The following ADK variants were observed in gnomAD, a reference collection of about 807,000 sequenced individuals.
ADK encodes adenosine kinase.
Under a neutral mutation model 44.7 loss-of-function variants are expected in ADK, and 24 were observed. The observed-to-expected ratio is 0.54, with a 90% CI of 0.39 to 0.76. ADK has a LOEUF of 0.76. ADK is among the 30% of genes least tolerant of loss of function. The probability of loss-of-function intolerance (pLI) is 0.00; values close to 1 mark genes in which losing one functional copy is unlikely to be tolerated. For missense variants in ADK, 321 were observed against 425.1 expected, an observed-to-expected ratio of 0.76 and a Z score of 2.15; for synonymous variants, 128 against 142.6, an observed-to-expected ratio of 0.90 and a Z score of 0.73.
At chr10:74,573,864 G>T (rs1055087932) in intron 7 of ADK, among the ~76,000 whole-genome samples, 3 of 152,190 alleles carry the variant, frequency 2.0e-5, no homozygotes, top group African/African-American at 7.2e-5. Flanking sequence ...TTGGAAAAGC[G>T]CAGTATTGAG....
intron 6 of ADK, among the ~76,000 whole-genome samples, chr10:74,510,007 C>T (rs757285918): frequency 6.6e-6 from 1 of 152,092 alleles, no homozygotes; most frequent in African/African-American, 2.4e-5. Context: ...AGGTTTGTTC[C>T]ATATCTTGGC....
At chr10:74,442,866 A>G (rs1040349340) in intron 6 of ADK, among the ~76,000 whole-genome samples, 6 of 152,180 alleles carry the variant, frequency 3.9e-5, no homozygotes, top group Non-Finnish European at 5.9e-5. Context: ...TTGCAACAAC[A>G]TAGGTGAACC....
intron 1 of ADK, among the ~76,000 whole-genome samples, chr10:74,155,972 C>T (rs879471148): frequency 6.6e-6 from 1 of 152,084 alleles, no homozygotes; most frequent in Non-Finnish European, 1.5e-5. Flanking sequence ...AAATTTAATC[C>T]TTTAAGATTA....
At chr10:74,458,056 G>A (rs866182706) in intron 6 of ADK, among the ~76,000 whole-genome samples, 7 of 147,778 alleles carry the variant, frequency 4.7e-5, no homozygotes, top group African/African-American at 7.5e-5. Context: ...AAAAGATTGG[G>A]TATTTCACAT....
At chr10:74,534,105 T>C (rs1356754362) in intron 7 of ADK, among the ~76,000 whole-genome samples, 3 of 152,190 alleles carry the variant, frequency 2.0e-5, no homozygotes, top group Non-Finnish European at 2.9e-5. Context: ...CATTGTTGTC[T>C]GGGGACAGGG....
At chr10:74,694,721 A>G (rs944397894) in intron 10 of ADK, among the ~76,000 whole-genome samples, 3 of 152,260 alleles carry the variant, frequency 2.0e-5, no homozygotes, top group Non-Finnish European at 2.9e-5. Context: ...GGCTCAAGCA[A>G]TTCTCCTGCC....
At chr10:74,525,543 C>G in intron 7 of ADK, 117 bp downstream of exon 7, 1 of 949,660 alleles carries the variant, frequency 1.1e-6, no homozygotes, top group East Asian at 2.7e-5. Flanking sequence ...TGTAAATGTC[C>G]TTGAGAATTG....
chr10:74,274,444 TC>T (rs1846576832), intron 3 of ADK, among the ~76,000 whole-genome samples: 1 of 151,740 alleles, frequency 6.6e-6, no homozygotes, highest in Non-Finnish European at 1.5e-5. Flanking sequence ...CGCCTGTAAT[TC>T]CAGCTACTCA....
chr10:74,228,749 TG>T (rs1844642072), intron 3 of ADK, among the ~76,000 whole-genome samples: 1 of 152,214 alleles, frequency 6.6e-6, no homozygotes, highest in Admixed American at 6.5e-5. Flanking sequence ...TGTATTACCT[TG>T]GATTATGAGA....
chr10:74,189,490 TG>T (rs1437866148), intron 1 of ADK, among the ~76,000 whole-genome samples: 1 of 152,188 alleles, frequency 6.6e-6, no homozygotes, highest in Non-Finnish European at 1.5e-5. Flanking sequence ...AGATATTTTA[TG>T]TATCTTTTAT....
At chr10:74,388,482 C>A (rs973341392) in intron 4 of ADK, among the ~76,000 whole-genome samples, 3 of 152,008 alleles carry the variant, frequency 2.0e-5, no homozygotes, top group Non-Finnish European at 4.4e-5. Context: ...ATTGAGTTTT[C>A]AAATCCATGT....
chr10:74,508,323 G>A lies in ADK; in HGVS notation c.556-16933G>A, dbSNP rs555785420. 18 of 152,212 alleles carry A rather than the reference G, an allele frequency of 1.2e-4. No homozygotes were observed. In the East Asian group the frequency reaches 2.7e-3, roughly 23 times the overall value. 9.4% of individuals were successfully genotyped at this position (152,212 alleles called of 1,614,324 possible). ...ACACCAAACTGTTGATCTTTAAAGA[G>A]CATACTTTTGTTCAGCACTGTAACT... is the stretch of plus-strand genomic sequence containing the variant. On this transcript the variant is annotated intron_variant, in intron 6 of 10. Coordinates refer to ENST00000539909, the MANE Select transcript of ADK (RefSeq NM_006721.4).
chr10:74,334,214 A>T (rs993671265), intron 4 of ADK, among the ~76,000 whole-genome samples: 1 of 152,094 alleles, frequency 6.6e-6, no homozygotes, highest in African/African-American at 2.4e-5. Flanking sequence ...GTTGACAGAG[A>T]CAGTTCTCCT....
chr10:74,258,351 C>CA (rs1451976295), intron 3 of ADK, among the ~76,000 whole-genome samples: 1 of 152,060 alleles, frequency 6.6e-6, no homozygotes. Context: ...GATTTACTTT[C>CA]AAAGTACTCA....
At chr10:74,352,824 CATT>C (rs1842010120) in intron 4 of ADK, among the ~76,000 whole-genome samples, 1 of 152,202 alleles carries the variant, frequency 6.6e-6, no homozygotes, top group South Asian at 2.1e-4. Context: ...TGCTCATCAT[CATT>C]GGTCATTAGA....
intron 6 of ADK, among the ~76,000 whole-genome samples, chr10:74,409,381 ACC>A (rs1844081739): frequency 6.6e-6 from 1 of 152,168 alleles, no homozygotes; most frequent in Non-Finnish European, 1.5e-5. Flanking sequence ...CTTGTGACTT[ACC>A]CTGCGTAAAC....
intron 6 of ADK, among the ~76,000 whole-genome samples, chr10:74,458,146 T>A (rs111491239): frequency 3.8e-5 from 4 of 106,330 alleles, no homozygotes; most frequent in Non-Finnish European, 7.3e-5. Context: ...TTTTTTTTTT[T>A]GGGGGGAGAA....
chr10:74,208,048 CA>C (rs1843666939), intron 2 of ADK, among the ~76,000 whole-genome samples: 1 of 152,226 alleles, frequency 6.6e-6, no homozygotes, highest in Non-Finnish European at 1.5e-5. Flanking sequence ...CGAGCACATG[CA>C]CACCTGCTGG....
chr10:74,645,226 T>G (rs933706479), intron 9 of ADK, among the ~76,000 whole-genome samples: 1 of 152,236 alleles, frequency 6.6e-6, no homozygotes, highest in Non-Finnish European at 1.5e-5. Flanking sequence ...CTCAAAGATT[T>G]CTGGTTCTCC....
Sources: gnomAD v4.1 joint callset for allele counts (sites outside exome capture counted in the v4.1 genomes callset) on GRCh38, gnomAD v4.1.1 for gene constraint, MANE v1.5 for transcripts, NCBI Gene and HGNC (gene_info 2026-07-23, HGNC 2026-07-21) for gene names.